FHOD3: variants seen among roughly 807,000 people sequenced by gnomAD.
The protein encoded by FHOD3 is formin homology 2 domain containing 3.
In FHOD3, 90 loss-of-function variants were observed where a neutral mutation model predicts 173.0. The observed-to-expected ratio is 0.52, with a 90% CI of 0.44 to 0.62. The LOEUF (loss-of-function observed/expected upper bound fraction) is 0.62. Among genes scored for constraint, FHOD3 ranks in the 20% least tolerant of loss-of-function variants. The probability of loss-of-function intolerance (pLI) is 0.00; values close to 1 mark genes in which losing one functional copy is unlikely to be tolerated. For missense variants in FHOD3, 1,945 were observed against 2,034.7 expected, an observed-to-expected ratio of 0.96 and a Z score of 0.85; for synonymous variants, 828 against 823.0, an observed-to-expected ratio of 1.01 and a Z score of -0.10.
At chr18:36,596,961 G>A (rs2030543362) in intron 7 of FHOD3, among the ~76,000 whole-genome samples, 1 of 152,178 alleles carries the variant, frequency 6.6e-6, no homozygotes, top group South Asian at 2.1e-4. Flanking sequence ...TTGGCAGCTG[G>A]TAGGCAGCAG....
chr18:36,490,560 C>T (rs757211708), intron 3 of FHOD3, among the ~76,000 whole-genome samples: 2 of 152,158 alleles, frequency 1.3e-5, no homozygotes, highest in Non-Finnish European at 2.9e-5. Flanking sequence ...AAGTCTTTTG[C>T]AGCCTCTTGG....
At chr18:36,421,956 A>G (rs1568250044) in intron 3 of FHOD3, among the ~76,000 whole-genome samples, 1 of 152,256 alleles carries the variant, frequency 6.6e-6, no homozygotes, top group Non-Finnish European at 1.5e-5. Flanking sequence ...TGATGTTTCA[A>G]CAATGTATAC....
chr18:36,743,909 G>A, intron 22 of FHOD3, 123 bp from the exon 23 acceptor site: 1 of 1,083,124 alleles, frequency 9.2e-7, no homozygotes, highest in Non-Finnish European at 1.4e-6. Context: ...TGTGGCCCCA[G>A]GAGCTTCAGC....
chr18:36,742,974 T>C (rs1234306933), intron 22 of FHOD3, 118 bp downstream of exon 22: 3 of 1,378,024 alleles, frequency 2.2e-6, no homozygotes, highest in Non-Finnish European at 3.0e-6. Context: ...AAATGACTTT[T>C]GTGTCTTCTT....
At chr18:36,607,984 C>G (rs1291112711) in intron 8 of FHOD3, among the ~76,000 whole-genome samples, 1 of 152,202 alleles carries the variant, frequency 6.6e-6, no homozygotes, top group Non-Finnish European at 1.5e-5. Context: ...TACAACTATT[C>G]TCTTCTTCTG....
chr18:36,494,710 C>A (rs2054648206), intron 3 of FHOD3, among the ~76,000 whole-genome samples: 1 of 152,202 alleles, frequency 6.6e-6, no homozygotes, highest in Admixed American at 6.5e-5. Context: ...TGCTGGCCAC[C>A]CCTTGGGGCT....
intron 11 of FHOD3, among the ~76,000 whole-genome samples, chr18:36,651,044 T>C (rs2036014597): frequency 6.6e-6 from 1 of 152,232 alleles, no homozygotes; most frequent in African/African-American, 2.4e-5. Flanking sequence ...ATTTGTTCTC[T>C]GGCGTAAACT....
intron 3 of FHOD3, among the ~76,000 whole-genome samples, chr18:36,482,462 C>T (rs1005229531): frequency 4.6e-5 from 7 of 152,222 alleles, no homozygotes; most frequent in Admixed American, 1.3e-4. Context: ...CCCCCCGCCC[C>T]GCAAGGCATG....
At chr18:36,747,270 AC>A in intron 24 of FHOD3, 135 bp downstream of exon 24, 1 of 547,548 alleles carries the variant, frequency 1.8e-6, no homozygotes, top group Admixed American at 3.9e-5. Context: ...CACTGATGAT[AC>A]AGATGTTTAA....
At chr18:36,671,095 ATGC>A (rs1211112448) in intron 14 of FHOD3, among the ~76,000 whole-genome samples, 1 of 152,218 alleles carries the variant, frequency 6.6e-6, no homozygotes, top group Non-Finnish European at 1.5e-5. Flanking sequence ...TTACATGCAT[ATGC>A]TGAACAATCC....
intron 2 of FHOD3, among the ~76,000 whole-genome samples, chr18:36,357,570 G>A (rs2046419723): frequency 6.6e-6 from 1 of 152,218 alleles, no homozygotes; most frequent in African/African-American, 2.4e-5. Context: ...ACTCTAGGCT[G>A]TGCATATGGG....
intron 26 of FHOD3, among the ~76,000 whole-genome samples, chr18:36,760,176 A>C (rs763482298): frequency 1.9e-4 from 29 of 152,218 alleles, no homozygotes; most frequent in Non-Finnish European, 3.7e-4. Flanking sequence ...CTTAAGAAAA[A>C]TTTAACTGCT....
At chr18:36,685,540 A>G (rs538836664) in intron 15 of FHOD3, among the ~76,000 whole-genome samples, 50 of 152,292 alleles carry the variant, frequency 3.3e-4, no homozygotes, top group Non-Finnish European at 6.5e-4. Flanking sequence ...TTTGTTGAAT[A>G]TGGTCTTAAG....
At chr18:36,358,266 G>A (rs556741980) in intron 2 of FHOD3, among the ~76,000 whole-genome samples, 1 of 152,210 alleles carries the variant, frequency 6.6e-6, no homozygotes, top group Admixed American at 6.5e-5. Context: ...CATGAGGTTG[G>A]TTCCTGCAAG....
rs772140841 is a variant in FHOD3, at chr18:36,718,692, T to A, written c.3394T>A (p.Ser1132Thr). 5.0e-6 allele frequency: 8 copies of A among 1,613,664 alleles called. No individual in the cohort carries two copies. Among genetic ancestry groups the A allele is most frequent in the Non-Finnish European group, 6.8e-6 (8 of 1,179,696 alleles). Residue 1132 changes from serine (S) to threonine (T), a missense_variant, in exon 19 of 29, where the codon TCC becomes ACC. Coordinates refer to ENST00000590592, the MANE Select transcript of FHOD3 (RefSeq NM_001281740.3). ...ACTGGAGCACCTGTTTGAGTCTAAA[T>A]CCAAGGAACTGTCTGTCTCAAAGGT... ...SRLEHLFESK[S>T]KELSVSKKTA...
At chr18:36,753,322 A>G (rs967681990) in intron 24 of FHOD3, among the ~76,000 whole-genome samples, 1 of 152,202 alleles carries the variant, frequency 6.6e-6, no homozygotes, top group Non-Finnish European at 1.5e-5. Context: ...TTCAGGGAAT[A>G]ACCAGGATTC....
chr18:36,412,708 G>A (rs1254342589), intron 3 of FHOD3, among the ~76,000 whole-genome samples: 1 of 151,956 alleles, frequency 6.6e-6, no homozygotes, highest in Non-Finnish European at 1.5e-5. Flanking sequence ...GGCTTTTTTT[G>A]TTTTAATTAA....
At chr18:36,501,751 C>T (rs908258082) in intron 3 of FHOD3, among the ~76,000 whole-genome samples, 181 bp from the exon 4 acceptor site, 1 of 152,270 alleles carries the variant, frequency 6.6e-6, no homozygotes, top group South Asian at 2.1e-4. Flanking sequence ...ACCTGTCACA[C>T]ACCAGATATG....
intron 3 of FHOD3, among the ~76,000 whole-genome samples, chr18:36,392,863 C>G (rs1015140953): frequency 6.6e-6 from 1 of 152,210 alleles, no homozygotes; most frequent in Non-Finnish European, 1.5e-5. Flanking sequence ...CCTTCTGGTA[C>G]TTACATATCA....
Sources: allele counts gnomAD v4.1 joint callset (sites outside exome capture counted in the v4.1 genomes callset), GRCh38; gene constraint gnomAD v4.1.1; transcripts MANE v1.5; gene names NCBI Gene and HGNC (gene_info 2026-07-23, HGNC 2026-07-21).